The following AKAP13 variants were observed in gnomAD, a reference collection of about 807,000 sequenced individuals.
AKAP13 encodes the protein A-kinase anchoring protein 13.
AKAP13 carries 80 observed loss-of-function variants against 264.5 expected under a neutral mutation model. That is an observed-to-expected ratio of 0.30 (90% CI 0.25 to 0.36). The LOEUF (loss-of-function observed/expected upper bound fraction) is 0.36. AKAP13 is among the 10% of genes least tolerant of loss of function. The pLI, the probability that AKAP13 is intolerant of heterozygous loss-of-function variation, is 1.00. For synonymous variants in AKAP13, 1,380 were observed against 1,250.2 expected (o/e 1.10, Z -2.19); for missense variants, 3,712 against 3,435.2 (o/e 1.08, Z -2.01).
At chr15:85,726,180 G>A (rs1019539575) in intron 26 of AKAP13, 1 of 441,282 alleles carries the variant, frequency 2.3e-6, no homozygotes, top group Admixed American at 4.0e-5. Context: ...CCAAAACAAG[G>A]CTTTGGTGAT....
Position 85,465,920 on chromosome 15 carries a change from A to G in AKAP13, c.-11-19790A>G, listed in dbSNP as rs569161638. ...ATTTCTAGTTCTAGATCCCTGAGGA[A>G]TCGCCACACTGACTTCCACAATGGT... On this transcript the variant is annotated intron_variant, in intron 1 of 36. Coordinates refer to ENST00000394518, the MANE Select transcript of AKAP13 (RefSeq NM_007200.5). Among the ~76,000 whole-genome samples, 3 of 149,112 alleles carry G rather than the reference A, an allele frequency of 2.0e-5. No individual in the cohort carries two copies. In the East Asian group the frequency reaches 6.0e-4, roughly 30 times the overall value.
chr15:85,721,227 C>G (rs947373243), intron 23 of AKAP13, among the ~76,000 whole-genome samples: 1 of 152,182 alleles, frequency 6.6e-6, no homozygotes, highest in African/African-American at 2.4e-5. Flanking sequence ...GTGGTAGGAT[C>G]AACCTTTGGG....
chr15:85,551,300 A>G (rs2151233268), intron 5 of AKAP13, among the ~76,000 whole-genome samples: 1 of 152,312 alleles, frequency 6.6e-6, no homozygotes, highest in Middle Eastern at 3.4e-3. Context: ...TACTTTCTGA[A>G]GATAATATTG....
intron 1 of AKAP13, among the ~76,000 whole-genome samples, chr15:85,429,620 TCAACCAGCCAAC>T (rs538208333): frequency 4.2e-4 from 64 of 152,232 alleles, no homozygotes; most frequent in Non-Finnish European, 6.5e-4. Context: ...AGGCCATAGT[TCAACCAGCCAAC>T]CAACCAGCCA....
chr15:85,407,823 A>G (rs1417389343), intron 1 of AKAP13, among the ~76,000 whole-genome samples: 1 of 151,692 alleles, frequency 6.6e-6, no homozygotes, highest in Non-Finnish European at 1.5e-5. Flanking sequence ...TGGATACCTC[A>G]TTCTGTGAGC....
chr15:85,663,477 C>G (rs970707828), intron 12 of AKAP13, among the ~76,000 whole-genome samples: 3 of 151,884 alleles, frequency 2.0e-5, no homozygotes, highest in African/African-American at 7.3e-5. Context: ...TTTACAAAAC[C>G]AAAATAAATA....
chr15:85,538,568 C>G, intron 4 of AKAP13, among the ~76,000 whole-genome samples: 1 of 150,384 alleles, frequency 6.6e-6, no homozygotes. Context: ...CAGCTCACTG[C>G]AAGCTCCGCC....
chr15:85,442,418 A>G (rs1181077903), intron 1 of AKAP13, among the ~76,000 whole-genome samples: 4 of 101,082 alleles, frequency 4.0e-5, no homozygotes, highest in African/African-American at 1.3e-4. Context: ...TCAAAAAAAA[A>G]AAAAAATATA....
chr15:85,468,184 G>A (rs1014092341), intron 1 of AKAP13, among the ~76,000 whole-genome samples: 2 of 152,158 alleles, frequency 1.3e-5, no homozygotes, highest in African/African-American at 4.8e-5. Context: ...GCAAGAAGCT[G>A]AAATTGGGAA....
At chr15:85,440,542 C>G (rs896033254) in intron 1 of AKAP13, among the ~76,000 whole-genome samples, 4 of 152,080 alleles carry the variant, frequency 2.6e-5, no homozygotes, top group African/African-American at 9.7e-5. Flanking sequence ...TTTCTTCTTT[C>G]TATATTCATC....
At chr15:85,744,326 C>T (rs1005112572) in intron 36 of AKAP13, 6 of 362,234 alleles carry the variant, frequency 1.7e-5, no homozygotes, top group Non-Finnish European at 2.5e-5. Flanking sequence ...TCCCCTGAAT[C>T]CTTCTCTTTA....
chr15:85,672,549 A>G (rs1051468252), intron 14 of AKAP13, among the ~76,000 whole-genome samples: 1 of 152,214 alleles, frequency 6.6e-6, no homozygotes, highest in Non-Finnish European at 1.5e-5. Context: ...TGATTCATCT[A>G]TGGTCATAGT....
chr15:85,424,096 T>C (rs1354966940), intron 1 of AKAP13, among the ~76,000 whole-genome samples: 1 of 152,196 alleles, frequency 6.6e-6, no homozygotes. Flanking sequence ...ATTTTTAGAA[T>C]GGTAAGTGAG....
chr15:85,440,944 G>C (rs1038680484), intron 1 of AKAP13, among the ~76,000 whole-genome samples: 1 of 152,126 alleles, frequency 6.6e-6, no homozygotes, highest in African/African-American at 2.4e-5. Context: ...GCAGTTATAA[G>C]AGCCCACGGT....
intron 1 of AKAP13, among the ~76,000 whole-genome samples, chr15:85,459,979 G>T (rs927915049): frequency 2.0e-5 from 3 of 151,974 alleles, no homozygotes; most frequent in African/African-American, 7.3e-5. Context: ...CCATATTTAG[G>T]TTCACTAGTT....
intron 1 of AKAP13, among the ~76,000 whole-genome samples, chr15:85,445,290 A>C (rs2073860028): frequency 6.6e-6 from 1 of 152,172 alleles, no homozygotes; most frequent in Non-Finnish European, 1.5e-5. Flanking sequence ...TTACCACTGA[A>C]AGGGGCTTCA....
chr15:85,575,104 A>G (rs758404609), intron 5 of AKAP13, 27 bp from the exon 6 acceptor site: 3 of 1,607,362 alleles, frequency 1.9e-6, no homozygotes, highest in African/African-American at 1.3e-5. Flanking sequence ...GAATGTATAT[A>G]TATTAACCAG....
At position 85,723,168 on chromosome 15, in the gene AKAP13, A is replaced by C. The variant is rs1223442967; in HGVS notation, c.6593A>C (p.Lys2198Thr). 1.2e-6 allele frequency: 2 copies of C among 1,614,074 alleles called. No individual in the cohort carries two copies. Among genetic ancestry groups the C allele is most frequent in the East Asian group, 4.5e-5 (2 of 44,894 alleles). ...AGCAAAGTGGCAAGTTATGAAAAGA[A>C]AGTGCGTCTCAATGAGATTTATACA... ...VDSKVASYEK[K>T]VRLNEIYTKT... is the part of the protein sequence containing the mutation. Residue 2198 changes from lysine to threonine, a missense_variant, in exon 26 of 37, where the codon AAA becomes ACA. By Grantham distance (78) the Lys-to-Thr change is moderately conservative (BLOSUM62 -1). Around this residue, in one of 3 missense-constraint regions of AKAP13, gnomAD observed 342 missense variants for 484.3 expected, o/e 0.71. Coordinates refer to ENST00000394518, the MANE Select transcript of AKAP13 (RefSeq NM_007200.5).
chr15:85,501,778 C>G (rs2076043779), intron 2 of AKAP13, among the ~76,000 whole-genome samples: 1 of 152,184 alleles, frequency 6.6e-6, no homozygotes, highest in African/African-American at 2.4e-5. Context: ...GAAACCTAGG[C>G]TTTTAATGAT....
Sources: allele counts gnomAD v4.1 joint callset (sites outside exome capture counted in the v4.1 genomes callset), GRCh38; gene constraint gnomAD v4.1.1; regional missense constraint gnomAD v4.1.1; transcripts MANE v1.5; gene names NCBI Gene and HGNC (gene_info 2026-07-23, HGNC 2026-07-21).